The following KATNIP variants were observed in gnomAD, a reference collection of about 807,000 sequenced individuals.
KATNIP encodes katanin-interacting protein.
In KATNIP, 126 loss-of-function variants were observed where a neutral mutation model predicts 174.0. The observed-to-expected ratio is 0.72, with a 90% CI of 0.63 to 0.84. The LOEUF (loss-of-function observed/expected upper bound fraction) is 0.84. KATNIP is among the 40% of genes least tolerant of loss of function. The pLI is 0.00. For missense variants in KATNIP, 1,958 were observed against 2,109.7 expected (o/e 0.93, Z 1.41); for synonymous variants, 810 against 835.7 (o/e 0.97, Z 0.53).
chr16:27,654,703 A>G (rs1567258875), intron 6 of KATNIP: 2 of 1,351,918 alleles, frequency 1.5e-6, no homozygotes, highest in African/African-American at 3.0e-5. Context: ...GCGTGGACAA[A>G]GAAAGGATCC....
intron 3 of KATNIP, among the ~76,000 whole-genome samples, chr16:27,622,020 G>A (rs1002585553): frequency 5.3e-5 from 8 of 152,046 alleles, no homozygotes; most frequent in South Asian, 4.1e-4. Flanking sequence ...GTGAGATGGC[G>A]CAGTCTACTG....
Position 27,778,667 on chromosome 16 carries a change from G to GGGA in KATNIP, c.*40_*41insAGG. ...GGAGAGCTGGTCCTCCCACTATGGT[G>GGGA]GGCTCCGTCAGCAGCCCCACTCAGT... On this transcript the variant is annotated 3_prime_UTR_variant, in exon 28 of 28. Coordinates refer to ENST00000261588, the MANE Select transcript of KATNIP (RefSeq NM_015202.5). The GGGA allele has an allele frequency of 6.3e-7, 1 of 1,599,538 alleles. No individual in the cohort carries two copies. Among genetic ancestry groups the GGGA allele is most frequent in the Non-Finnish European group, 8.5e-7 (1 of 1,169,738 alleles).
At chr16:27,665,943 C>A (rs1051148684) in intron 6 of KATNIP, among the ~76,000 whole-genome samples, 1 of 152,152 alleles carries the variant, frequency 6.6e-6, no homozygotes, top group African/African-American at 2.4e-5. Flanking sequence ...TCCTTTAGTT[C>A]TTTATGGATG....
At chr16:27,597,463 T>A (rs2075375573) in intron 2 of KATNIP, among the ~76,000 whole-genome samples, 1 of 148,350 alleles carries the variant, frequency 6.7e-6, no homozygotes, top group Non-Finnish European at 1.5e-5. Flanking sequence ...AATGTACTGT[T>A]TTGCAACATG....
chr16:27,742,185 T>C (rs1207466284), intron 15 of KATNIP, among the ~76,000 whole-genome samples: 4 of 152,136 alleles, frequency 2.6e-5, no homozygotes. Flanking sequence ...CACTCAGACT[T>C]GGCTCCTGGA....
chr16:27,601,233 G>A (rs1401330882), intron 2 of KATNIP, among the ~76,000 whole-genome samples: 3 of 152,148 alleles, frequency 2.0e-5, no homozygotes, highest in African/African-American at 7.2e-5. Flanking sequence ...CAGTGAGCAA[G>A]CTCGCATTGT....
chr16:27,612,317 G>A (rs2075913994), intron 2 of KATNIP, among the ~76,000 whole-genome samples: 1 of 152,144 alleles, frequency 6.6e-6, no homozygotes, highest in African/African-American at 2.4e-5. Context: ...AGGCTGGACT[G>A]CAGAGCCCAT....
intron 6 of KATNIP, among the ~76,000 whole-genome samples, chr16:27,659,513 A>AG (rs2077401772): frequency 7.2e-6 from 1 of 138,206 alleles, no homozygotes; most frequent in Admixed American, 7.2e-5. Flanking sequence ...CTGTCTATAC[A>AG]AAAAAAAAAA....
chr16:27,756,014 C>T (rs756238716), intron 18 of KATNIP, among the ~76,000 whole-genome samples: 4 of 152,234 alleles, frequency 2.6e-5, no homozygotes, highest in Non-Finnish European at 5.9e-5. Context: ...TGCCAGCCGT[C>T]AGCACTTCCC....
chr16:27,695,817 AG>A (rs982848613), intron 8 of KATNIP, among the ~76,000 whole-genome samples: 14 of 152,180 alleles, frequency 9.2e-5, no homozygotes, highest in African/African-American at 3.4e-4. Flanking sequence ...TAAATAATTG[AG>A]AGGATGTTAC....
At chr16:27,746,630 A>T (rs2081305188) in intron 15 of KATNIP, among the ~76,000 whole-genome samples, 1 of 152,250 alleles carries the variant, frequency 6.6e-6, no homozygotes. Context: ...ATAAAGTGGC[A>T]GAGAAGGCCT....
chr16:27,631,562 A>G (rs1014088903), intron 5 of KATNIP, among the ~76,000 whole-genome samples: 2 of 147,872 alleles, frequency 1.4e-5, no homozygotes, highest in African/African-American at 5.0e-5. Context: ...AAAAAAAAAC[A>G]CCCTATGGGG....
intron 1 of KATNIP, among the ~76,000 whole-genome samples, chr16:27,552,646 A>AT (rs1463885993): frequency 1.4e-5 from 2 of 144,570 alleles, no homozygotes; most frequent in Non-Finnish European, 3.0e-5. Context: ...AAGTGCTGGG[A>AT]TTACAGACGT....
intron 12 of KATNIP, among the ~76,000 whole-genome samples, chr16:27,707,154 A>T (rs568330536): frequency 6.6e-6 from 1 of 152,312 alleles, no homozygotes; most frequent in South Asian, 2.1e-4. Context: ...GCTATTAATT[A>T]AAAAAATAAG....
intron 2 of KATNIP, 78 bp from the exon 3 acceptor site, chr16:27,618,347 C>A (rs1002835718): frequency 2.7e-6 from 3 of 1,130,690 alleles, no homozygotes; most frequent in South Asian, 2.5e-5. Flanking sequence ...CCTGCTGCGC[C>A]GGTGTGTGCT....
At chr16:27,586,168 G>C (rs1345881082) in intron 2 of KATNIP, among the ~76,000 whole-genome samples, 4 of 152,168 alleles carry the variant, frequency 2.6e-5, no homozygotes, top group Non-Finnish European at 5.9e-5. Context: ...ATAAATGCTT[G>C]AGGGGATGGA....
intron 13 of KATNIP, among the ~76,000 whole-genome samples, chr16:27,713,854 A>ATATATATCTATC (rs1555482296): frequency 8.7e-5 from 6 of 69,314 alleles, no homozygotes; most frequent in Admixed American, 1.8e-4. Context: ...ATATATATAT[A>ATATATATCTATC]TATCTATCTC....
intron 19 of KATNIP, among the ~76,000 whole-genome samples, chr16:27,763,927 T>C (rs1301221260): frequency 6.6e-6 from 1 of 152,208 alleles, no homozygotes; most frequent in African/African-American, 2.4e-5. Flanking sequence ...GTATTTCTAG[T>C]ACATTGTTAA....
chr16:27,589,574 C>G (rs1246531628), intron 2 of KATNIP, among the ~76,000 whole-genome samples: 2 of 152,140 alleles, frequency 1.3e-5, no homozygotes, highest in African/African-American at 4.8e-5. Flanking sequence ...TCTGAATTTA[C>G]ACTTTACCCA....
Sources: gnomAD v4.1 joint callset for allele counts (sites outside exome capture counted in the v4.1 genomes callset) on GRCh38, gnomAD v4.1.1 for gene constraint, MANE v1.5 for transcripts, NCBI Gene and HGNC (gene_info 2026-07-23, HGNC 2026-07-21) for gene names.